The following ZSCAN18 variants were observed in gnomAD, a reference collection of about 807,000 sequenced individuals.
ZSCAN18 encodes the protein zinc finger and SCAN domain containing 18.
In ZSCAN18, 16 loss-of-function variants were observed where a neutral mutation model predicts 31.1. That is an observed-to-expected ratio of 0.51 (90% confidence interval 0.35 to 0.78). The LOEUF is 0.78. Among genes scored for constraint, ZSCAN18 ranks in the 30% least tolerant of loss-of-function variants. ZSCAN18 has a pLI of 0.01. For missense variants in ZSCAN18, 731 were observed against 697.4 expected, an observed-to-expected ratio of 1.05 and a Z score of -0.54; for synonymous variants, 375 against 320.7, an observed-to-expected ratio of 1.17 and a Z score of -1.81.
chr19:58,109,867 G>C (rs1453304231), intron 1 of ZSCAN18, among the ~76,000 whole-genome samples: 1 of 152,048 alleles, frequency 6.6e-6, no homozygotes, highest in African/African-American at 2.4e-5. Flanking sequence ...ATGGTAGGAA[G>C]AGAATATAAA....
chr19:58,089,846 C>T lies in ZSCAN18; in HGVS notation c.403+19G>A. ...TCCCCATCTCCTCTGAGCCATGCTT[C>T]TCCTCTGTGACAGCCCACCTGGCTC... On this transcript the variant is annotated intron_variant, in intron 2 of 6. Transcript: ENST00000601144. 1.3e-6 allele frequency: 2 copies of T among 1,593,432 alleles called. No individual in the cohort carries two copies. Among genetic ancestry groups the T allele is most frequent in the Non-Finnish European group, 1.7e-6 (2 of 1,168,280 alleles).
upstream of ZSCAN18, chr19:58,098,338 G>A (rs980253793): frequency 1.5e-5 from 15 of 985,378 alleles, no homozygotes; most frequent in African/African-American, 7.0e-5. Context: ...CGTGACAGGT[G>A]ACAGTGCGCA....
At chr19:58,111,521 T>C (rs1276599580) in intron 1 of ZSCAN18, among the ~76,000 whole-genome samples, 3 of 151,198 alleles carry the variant, frequency 2.0e-5, no homozygotes, top group African/African-American at 4.9e-5. Context: ...ACTTATAAAG[T>C]TGTTTTTTTG....
At chr19:58,118,082 G>A (rs1415597231) in intron 1 of ZSCAN18, among the ~76,000 whole-genome samples, 1 of 152,046 alleles carries the variant, frequency 6.6e-6, no homozygotes, top group Non-Finnish European at 1.5e-5. Context: ...GCCAAGGGGA[G>A]AAGACACGCG....
intron 1 of ZSCAN18, among the ~76,000 whole-genome samples, chr19:58,114,197 G>A (rs1010542511): frequency 5.9e-5 from 9 of 152,148 alleles, no homozygotes; most frequent in African/African-American, 2.2e-4. Context: ...GAACCTGGGA[G>A]GTAGAGGTTG....
rs1350837230 is a variant in ZSCAN18 at position 58,089,891 on chromosome 19, C to G, written c.377G>C (p.Gly126Ala). The stretch of plus-strand genomic sequence containing the variant: ...TGGCTCTTCCAGGACATCAGCGAGG[C>G]CCTCCACCAGGGAGGCTGCCTTCTT... ...SCKKAASLVEGLADVLEEPGM... is the reference protein window; with the variant it reads ...SCKKAASLVEALADVLEEPGM... The change falls in exon 2 of 7, where the codon GGC (glycine) becomes GCC (alanine). Residue 126 changes from glycine to alanine, a missense_variant. Around this residue, in one of 4 missense-constraint regions of ZSCAN18, gnomAD observed 46 missense variants for 60.6 expected, o/e 0.76. Transcript: ENST00000601144. The G allele has an allele frequency of 6.2e-7, 1 of 1,612,430 alleles. No homozygotes were observed. The highest frequency in any genetic ancestry group is 1.1e-5 in the South Asian group (1 of 91,008).
upstream of ZSCAN18, among the ~76,000 whole-genome samples, chr19:58,102,835 T>C (rs1346472955): frequency 6.6e-6 from 1 of 152,122 alleles, no homozygotes; most frequent in Admixed American, 6.6e-5. Context: ...TATGTGCTAA[T>C]AAAAGGCTGC....
At chr19:58,115,921 T>C (rs1303303723) in intron 1 of ZSCAN18, among the ~76,000 whole-genome samples, 1 of 151,848 alleles carries the variant, frequency 6.6e-6, no homozygotes, top group Non-Finnish European at 1.5e-5. Flanking sequence ...CCTAAAGCAC[T>C]GGTGGAAACG....
intron 1 of ZSCAN18, among the ~76,000 whole-genome samples, chr19:58,097,046 G>A (rs1057132203): frequency 2.6e-5 from 4 of 152,100 alleles, no homozygotes; most frequent in African/African-American, 7.2e-5. Flanking sequence ...ACGTGGTCCC[G>A]CTCTGACTCC....
chr19:58,098,190 C>G lies in ZSCAN18; in HGVS notation c.-136G>C. On this transcript the variant is annotated 5_prime_UTR_variant, in exon 1 of 7. Coordinates refer to ENST00000601144, the MANE Select transcript of ZSCAN18 (RefSeq NM_001145543.2). The stretch of plus-strand genomic sequence containing the variant: ...CCGACCCACCTGCTGCGCAGCTACC[C>G]CAGGCCGGTCCCAGCCGCCCGGAGC... 1.0e-6 allele frequency: 1 copy of G among 985,540 alleles called. No individual in the cohort carries two copies. 61.0% of individuals were successfully genotyped at this position (985,540 alleles called of 1,614,324 possible). A position where few individuals can be genotyped will look rare whatever the true frequency, so the allele number is the denominator to read the frequency against.
At position 58,091,695 on chromosome 19, in the gene ZSCAN18, CAAT is replaced by C. The variant is rs572672320; in HGVS notation, c.-119-1312_-119-1310del. 1.3e-4 allele frequency among the ~76,000 whole-genome samples: 20 copies of C among 152,326 alleles called. No homozygotes were observed. The East Asian group carries it at 3.5e-3, about 26-fold the overall frequency. On this transcript the variant is annotated intron_variant, in intron 1 of 6. Coordinates refer to ENST00000601144, the MANE Select transcript of ZSCAN18 (RefSeq NM_001145543.2). The stretch of plus-strand genomic sequence containing the variant: ...TCTCTTGATTGTAACTGTGCACCAA[CAAT>C]GAGCTCACTAAACAGAACCCAGCGG...
chr19:58,117,301 A>T (rs1467432716), intron 1 of ZSCAN18, among the ~76,000 whole-genome samples: 1 of 152,074 alleles, frequency 6.6e-6, no homozygotes, highest in Non-Finnish European at 1.5e-5. Flanking sequence ...AAAGTCTGAG[A>T]GGCCTGTCCC....
At chr19:58,108,362 A>T in intron 1 of ZSCAN18, 1 of 985,480 alleles carries the variant, frequency 1.0e-6, no homozygotes, top group Non-Finnish European at 1.2e-6. Context: ...CCACAGTATG[A>T]CTTCTGAAAT....
At chr19:58,100,947 G>A (rs1275469206), upstream of ZSCAN18, among the ~76,000 whole-genome samples, 1 of 152,060 alleles carries the variant, frequency 6.6e-6, no homozygotes, top group Non-Finnish European at 1.5e-5. Context: ...GCACCATCTG[G>A]AAAAGGCTAT....
rs942184600 is a variant in ZSCAN18, at chr19:58,090,539, T to A, written c.-119-153A>T. Reference sequence around the variant, plus strand: ...CAGTAGAACCTCAGTGTTGTACTCATGTAGATAAAAAGTAGCATGTAAATG... The same window carrying A: ...CAGTAGAACCTCAGTGTTGTACTCAAGTAGATAAAAAGTAGCATGTAAATG... On this transcript the variant is annotated intron_variant, in intron 1 of 6. Transcript: ENST00000601144. This position sits in a 1 kb window ranked among gnomAD's most constrained non-coding sequence, Gnocchi z 4.7. 10 of 621,134 alleles carry A rather than the reference T, an allele frequency of 1.6e-5. No homozygotes were observed. The highest frequency in any genetic ancestry group is 2.4e-5 in the Non-Finnish European group (9 of 381,286). 38.5% of individuals were successfully genotyped at this position (621,134 alleles called of 1,614,324 possible). A position where few individuals can be genotyped will look rare whatever the true frequency, so the allele number is the denominator to read the frequency against.
At chr19:58,098,789 G>A (rs55876506), upstream of ZSCAN18, among the ~76,000 whole-genome samples, 2 of 152,340 alleles carry the variant, frequency 1.3e-5, no homozygotes, top group South Asian at 4.1e-4. Context: ...TCTGGACAGA[G>A]ATACAGAGAC....
intron 1 of ZSCAN18, among the ~76,000 whole-genome samples, chr19:58,094,023 C>A (rs1406832400): frequency 6.6e-6 from 1 of 151,988 alleles, no homozygotes; most frequent in East Asian, 1.9e-4. Context: ...CCTCGGCCTC[C>A]CAAAGTGCCA....
chr19:58,106,803 C>G (rs1020786227), intron 1 of ZSCAN18, among the ~76,000 whole-genome samples: 4 of 151,724 alleles, frequency 2.6e-5, no homozygotes, highest in African/African-American at 9.7e-5. Context: ...TTCTGTTTCC[C>G]AGGCTGCAGT....
At chr19:58,117,692 G>A (rs1314197935) in intron 1 of ZSCAN18, among the ~76,000 whole-genome samples, 1 of 149,668 alleles carries the variant, frequency 6.7e-6, no homozygotes, top group African/African-American at 2.5e-5. Context: ...CCCTGGGAAG[G>A]TGAGAAAAGG....
Sources: allele counts gnomAD v4.1 joint callset (sites outside exome capture counted in the v4.1 genomes callset), GRCh38; gene constraint gnomAD v4.1.1; regional missense constraint gnomAD v4.1.1; non-coding constraint Gnocchi (gnomAD v3.1); transcripts MANE v1.5; gene names NCBI Gene and HGNC (gene_info 2026-07-23, HGNC 2026-07-21).